TMEM74: variants seen among roughly 807,000 people sequenced by gnomAD.
The protein encoded by TMEM74 is transmembrane protein 74.
In TMEM74, 13 loss-of-function variants were observed where a neutral mutation model predicts 18.1. The ratio of observed to expected loss-of-function variants is 0.72; its 90% CI spans 0.47 to 1.14. The LOEUF (loss-of-function observed/expected upper bound fraction) is 1.14. Ranked by LOEUF, TMEM74 falls within the 50% of genes most tolerant of loss-of-function variation. The pLI is 0.00. For synonymous variants in TMEM74, 159 were observed against 146.6 expected (o/e 1.08, Z -0.61); for missense variants, 372 against 375.9 (o/e 0.99, Z 0.09).
intron 1 of TMEM74, among the ~76,000 whole-genome samples, chr8:108,676,934 AAGTCTTAT>A (rs1477633906): frequency 3.3e-5 from 5 of 152,236 alleles, no homozygotes; most frequent in African/African-American, 1.2e-4. Flanking sequence ...TTGACTTAGA[AAGTCTTAT>A]AGATGTTGAG....
At chr8:108,628,483 TA>T (rs1305684818) in intron 2 of TMEM74, among the ~76,000 whole-genome samples, 1 of 152,094 alleles carries the variant, frequency 6.6e-6, no homozygotes, top group Non-Finnish European at 1.5e-5. Context: ...TATGGCTGCA[TA>T]GTATTTTATG....
chr8:108,670,189 A>G (rs3019409), intron 1 of TMEM74, among the ~76,000 whole-genome samples: 37,127 of 152,092 alleles, frequency 0.24, 4,614 homozygotes, highest in East Asian at 0.29. Flanking sequence ...ATCTGCTGTC[A>G]AAAGTCCTTT....
intron 1 of TMEM74, among the ~76,000 whole-genome samples, chr8:108,786,558 C>CA (rs1177087717): frequency 6.6e-6 from 1 of 151,878 alleles, no homozygotes; most frequent in Non-Finnish European, 1.5e-5. Context: ...TAAAACAAAA[C>CA]AAAAAAAGCA....
intron 1 of TMEM74, among the ~76,000 whole-genome samples, chr8:108,677,904 G>A (rs896013313): frequency 2.6e-5 from 4 of 152,096 alleles, no homozygotes; most frequent in East Asian, 1.9e-4. Flanking sequence ...ACCAGCAAGC[G>A]TGACCCAAGT....
intron 1 of TMEM74, among the ~76,000 whole-genome samples, chr8:108,723,440 G>A (rs570722305): frequency 3.4e-4 from 40 of 117,248 alleles, no homozygotes; most frequent in African/African-American, 1.4e-3. Context: ...TCTATTTTTC[G>A]TGTGTATGTG....
At chr8:108,736,425 G>T (rs1813750308) in intron 1 of TMEM74, among the ~76,000 whole-genome samples, 1 of 152,048 alleles carries the variant, frequency 6.6e-6, no homozygotes, top group South Asian at 2.1e-4. Flanking sequence ...TAAATTAGTA[G>T]ATATGACAAC....
At chr8:108,652,527 G>C (rs1380712334) in intron 2 of TMEM74, 5 of 508,924 alleles carry the variant, frequency 9.8e-6, no homozygotes, top group South Asian at 2.1e-5. Flanking sequence ...CCAGAGTGCA[G>C]GATGGTGCTC....
intron 1 of TMEM74, among the ~76,000 whole-genome samples, chr8:108,705,046 CT>C (rs939778315): frequency 1.3e-5 from 2 of 152,198 alleles, no homozygotes; most frequent in Non-Finnish European, 2.9e-5. Flanking sequence ...AGAAACATCA[CT>C]TTTAGTAAAA....
intron 1 of TMEM74, among the ~76,000 whole-genome samples, chr8:108,670,168 T>C (rs1244862501): frequency 6.6e-6 from 1 of 152,056 alleles, no homozygotes; most frequent in Non-Finnish European, 1.5e-5. Context: ...TGAATCTGGA[T>C]AAATTATTTG....
At chr8:108,611,360 G>C (rs1812332022) in intron 2 of TMEM74, among the ~76,000 whole-genome samples, 1 of 151,992 alleles carries the variant, frequency 6.6e-6, no homozygotes, top group African/African-American at 2.4e-5. Context: ...CCTAAGCTAG[G>C]GTACAAGAAG....
Position 108,784,357 on chromosome 8 carries a change from A to G in TMEM74, c.742T>C (p.Cys248Arg), listed in dbSNP as rs1280897326. The G allele has an allele frequency of 1.2e-6, 2 of 1,614,092 alleles. No homozygotes were observed. The highest frequency in any genetic ancestry group is 1.7e-5 in the Admixed American group (1 of 60,010). ...LLTLGGVILSCLLMMSMWKGE... is the reference protein window; with the variant it reads ...LLTLGGVILSRLLMMSMWKGE... ...TTCCACATGGACATCATTAACAAGC[A>G]GGACAGGATGACGCCCCCCAGCGTG... Residue 248 changes from cysteine to arginine, a missense_variant, in exon 2 of 2, where the codon TGC becomes CGC. Cys to Arg is a radical substitution (Grantham distance 180). Coordinates refer to ENST00000297459, the MANE Select transcript of TMEM74 (RefSeq NM_153015.3).
intron 1 of TMEM74, among the ~76,000 whole-genome samples, chr8:108,718,710 T>A (rs955266002): frequency 1.3e-5 from 2 of 152,188 alleles, no homozygotes; most frequent in Non-Finnish European, 2.9e-5. Context: ...ATAAGTCACC[T>A]GATGTTTCTT....
At chr8:108,761,282 T>C (rs1814040959) in intron 1 of TMEM74, among the ~76,000 whole-genome samples, 1 of 152,086 alleles carries the variant, frequency 6.6e-6, no homozygotes, top group Non-Finnish European at 1.5e-5. Context: ...CTAATCTCTT[T>C]ACACCTTGGT....
At chr8:108,628,245 A>G (rs1406426723) in intron 2 of TMEM74, among the ~76,000 whole-genome samples, 2 of 151,992 alleles carry the variant, frequency 1.3e-5, no homozygotes, top group Non-Finnish European at 2.9e-5. Context: ...GAGTTATCTC[A>G]AACTAATTTA....
In TMEM74 at chr8:108,647,237, T is replaced by C. The variant is rs564342717; in HGVS notation, n.264+8056A>G. ...ATCCCAAAATACCTCAGCTTTTATT[T>C]TGGTTTTAGTTTGAAGAAATATCAG... On this transcript the variant is annotated intron_variant and non_coding_transcript_variant, in intron 2 of 3. Transcript: ENST00000518838. Among the ~76,000 whole-genome samples the C allele has an allele frequency of 5.1e-4, 78 of 152,258 alleles. 1 individual carries two copies. The highest frequency in any genetic ancestry group is 1.9e-3 in the African/African-American group (77 of 41,552).
At chr8:108,665,499 A>G (rs1012799842) in intron 1 of TMEM74, among the ~76,000 whole-genome samples, 9 of 152,190 alleles carry the variant, frequency 5.9e-5, no homozygotes, top group Non-Finnish European at 8.8e-5. Flanking sequence ...TTTTATTTCC[A>G]AAGATTTCTG....
intron 1 of TMEM74, among the ~76,000 whole-genome samples, chr8:108,683,012 A>G (rs1335034163): frequency 6.6e-6 from 1 of 151,990 alleles, no homozygotes; most frequent in Non-Finnish European, 1.5e-5. Context: ...ATGGAATTAA[A>G]GAAATTTTGA....
intron 2 of TMEM74, among the ~76,000 whole-genome samples, chr8:108,623,365 G>A (rs1035532620): frequency 2.6e-5 from 4 of 152,048 alleles, no homozygotes; most frequent in Admixed American, 2.6e-4. Context: ...GCTGGCTTTT[G>A]TTGGCTTTTG....
chr8:108,673,273 T>C (rs1457936839), intron 1 of TMEM74, among the ~76,000 whole-genome samples: 2 of 152,182 alleles, frequency 1.3e-5, no homozygotes, highest in African/African-American at 4.8e-5. Context: ...GATTCTTCTG[T>C]GGTAGTCAGT....
Sources: gnomAD v4.1 joint callset for allele counts (sites outside exome capture counted in the v4.1 genomes callset) on GRCh38, gnomAD v4.1.1 for gene constraint, MANE v1.5 for transcripts, NCBI Gene and HGNC (gene_info 2026-07-23, HGNC 2026-07-21) for gene names.